NUP50: variants seen among roughly 807,000 people sequenced by gnomAD.
NUP50 encodes the protein nucleoporin 50, also known as nuclear pore complex protein Nup50.
NUP50 carries 14 observed loss-of-function variants against 36.8 expected under a neutral mutation model. The ratio of observed to expected loss-of-function variants is 0.38; its 90% CI spans 0.25 to 0.59. The LOEUF (loss-of-function observed/expected upper bound fraction) is 0.59. Ranked by LOEUF, NUP50 falls within the 20% of genes least tolerant of loss-of-function variation. NUP50 has a pLI of 0.63. For synonymous variants in NUP50, 195 were observed against 210.8 expected (o/e 0.93, Z 0.65); for missense variants, 455 against 564.6 (o/e 0.81, Z 1.97).
intron 2 of NUP50, chr22:45,171,138 C>T (rs2074186557): frequency 1.6e-6 from 2 of 1,230,590 alleles, no homozygotes; most frequent in South Asian, 2.9e-5. Context: ...GCCTTTCGTA[C>T]AGTGGGCAAG....
intron 3 of NUP50, 56 bp downstream of exon 3, chr22:45,171,739 A>AACC: frequency 1.5e-5 from 20 of 1,348,380 alleles, no homozygotes; most frequent in Non-Finnish European, 2.0e-5. Flanking sequence ...TCTGGGTTGC[A>AACC]CAGCAATCCC....
chr22:45,164,060 C>G lies in NUP50; in HGVS notation c.-247C>G, dbSNP rs2074054592. On this transcript the variant is annotated 5_prime_UTR_variant, in exon 1 of 8. Coordinates refer to ENST00000347635, the MANE Select transcript of NUP50 (RefSeq NM_007172.4). Reference sequence around the variant, plus strand: ...GCGCGGTTCCCCCAGCTGTCTCTGGCTGAACCGGCGCTCTCGCCTCCCTGC... The same window carrying G: ...GCGCGGTTCCCCCAGCTGTCTCTGGGTGAACCGGCGCTCTCGCCTCCCTGC... 1.3e-5 allele frequency: 2 copies of G among 152,322 alleles called. No individual in the cohort carries two copies. Among genetic ancestry groups the G allele is most frequent in the Admixed American group, 1.3e-4 (2 of 15,286 alleles). The allele number at this position is 152,322 out of a possible 1,614,324, so 9.4% of individuals were successfully genotyped here.
At chr22:45,171,818 G>T in intron 3 of NUP50, 135 bp downstream of exon 3, 3 of 682,892 alleles carry the variant, frequency 4.4e-6, no homozygotes. Flanking sequence ...GGTCATGGGA[G>T]ATAGAAAAAA....
In NUP50 at chr22:45,186,299, C is replaced by T. The variant is rs1448489488; in HGVS notation, c.*1644C>T. 1 of 152,194 alleles carries T rather than the reference C, an allele frequency of 6.6e-6. No homozygotes were observed. The highest frequency in any genetic ancestry group is 1.5e-5 in the Non-Finnish European group (1 of 68,042). The allele number at this position is 152,194 out of a possible 1,614,324, so 9.4% of individuals were successfully genotyped here. On this transcript the variant is annotated 3_prime_UTR_variant, in exon 8 of 8. Transcript: ENST00000347635. The stretch of plus-strand genomic sequence containing the variant: ...GGAGGAAGTGGCCGTTAGTTTTACA[C>T]TGACTTTTTAAGAATGGAGAATGCA...
intron 2 of NUP50, among the ~76,000 whole-genome samples, chr22:45,169,699 C>CCCGCATAAGGG (rs1383200077): frequency 2.6e-5 from 4 of 152,238 alleles, no homozygotes; most frequent in Admixed American, 2.6e-4. Flanking sequence ...CTCTGTCACG[C>CCCGCATAAGGG]CCGCATAAGG....
rs2074195633 is a variant in NUP50, at chr22:45,171,602, G to T, written c.72G>T (p.Val24=). 1.2e-6 allele frequency: 2 copies of T among 1,613,298 alleles called. No individual in the cohort carries two copies. The highest frequency in any genetic ancestry group is 1.3e-5 in the African/African-American group (1 of 74,876). The change falls in exon 3 of 8, where the codon GTG becomes GTT. Residue 24 remains valine (V), a splice_region_variant and synonymous_variant. Coordinates refer to ENST00000347635, the MANE Select transcript of NUP50 (RefSeq NM_007172.4). ...NWDQEDEAEE[V]GTFSMASEEV... is the part of the protein sequence containing the mutation. Reference sequence around the variant, plus strand: ...GCTTAATTTGTATTGTATTGCAGGTGGGAACATTCTCCATGGCCAGTGAGG... The same window carrying T: ...GCTTAATTTGTATTGTATTGCAGGTTGGAACATTCTCCATGGCCAGTGAGG...
chr22:45,168,022 A>G, intron 1 of NUP50, 146 bp from the exon 2 acceptor site: 2 of 642,440 alleles, frequency 3.1e-6, no homozygotes, highest in South Asian at 3.9e-5. Flanking sequence ...TAAAGTTCTC[A>G]TTAAAGCAGT....
At chr22:45,181,518 C>T in intron 6 of NUP50, 151 bp downstream of exon 6, 1 of 150,006 alleles carries the variant, frequency 6.7e-6, no homozygotes, top group Non-Finnish European at 1.4e-5. Context: ...GAATTCTTGG[C>T]CAGTTTATTT....
rs2074088350 is a variant in NUP50 at position 45,165,985 on chromosome 22, G to A, written c.-11+1689G>A. The A allele has an allele frequency of 3.9e-5, 6 of 152,182 alleles. No individual in the cohort carries two copies. In the South Asian group the frequency reaches 1.2e-3, roughly 32 times the overall value. The allele number at this position is 152,182 out of a possible 1,614,324, so 9.4% of individuals were successfully genotyped here. On this transcript the variant is annotated intron_variant, in intron 1 of 7. Coordinates refer to ENST00000347635, the MANE Select transcript of NUP50 (RefSeq NM_007172.4). ...TTTGAAATACTTTATGCTCACTGGG[G>A]AAATACTTCCCCAGCTCACTGATCT... is the stretch of plus-strand genomic sequence containing the variant.
chr22:45,184,130 C>A (rs908097443), intron 7 of NUP50: 2 of 325,950 alleles, frequency 6.1e-6, no homozygotes, highest in South Asian at 3.7e-5. Flanking sequence ...GTTGTGCCAC[C>A]GTGTTCTTCC....
At chr22:45,168,898 A>ATTTT (rs34675932) in intron 2 of NUP50, among the ~76,000 whole-genome samples, 12 of 132,000 alleles carry the variant, frequency 9.1e-5, no homozygotes, top group East Asian at 6.5e-4. Context: ...TATAAAAAAA[A>ATTTT]TTTTTTTTTT....
rs1249337242 is a variant in NUP50 at position 45,164,056 on chromosome 22, C to T, written c.-251C>T. 1 of 152,318 alleles carries T rather than the reference C, an allele frequency of 6.6e-6. No individual in the cohort carries two copies. Among genetic ancestry groups the T allele is most frequent in the Admixed American group, 6.5e-5 (1 of 15,290 alleles). The allele number at this position is 152,318 out of a possible 1,614,324, so 9.4% of individuals were successfully genotyped here. ...TTCGGCGCGGTTCCCCCAGCTGTCT[C>T]TGGCTGAACCGGCGCTCTCGCCTCC... is the stretch of plus-strand genomic sequence containing the variant. On this transcript the variant is annotated 5_prime_UTR_variant, in exon 1 of 8. Coordinates refer to ENST00000347635, the MANE Select transcript of NUP50 (RefSeq NM_007172.4).
chr22:45,179,163 C>T (rs1265300817), intron 5 of NUP50: 1 of 350,272 alleles, frequency 2.9e-6, no homozygotes, highest in Non-Finnish European at 5.1e-6. Flanking sequence ...CTCAAACACA[C>T]ATGGTTTAGC....
intron 4 of NUP50, among the ~76,000 whole-genome samples, chr22:45,176,547 G>A (rs543893483): frequency 1.2e-4 from 18 of 152,292 alleles, no homozygotes; most frequent in African/African-American, 4.3e-4. Context: ...TTGATTGCCT[G>A]ATCCTGTTTT....
At chr22:45,168,094 G>C (rs958981145) in intron 1 of NUP50, 74 bp from the exon 2 acceptor site, 1 of 1,108,844 alleles carries the variant, frequency 9.0e-7, no homozygotes, top group South Asian at 1.4e-5. Flanking sequence ...CTTCATGCTA[G>C]AGTGAATTTT....
intron 3 of NUP50, among the ~76,000 whole-genome samples, chr22:45,174,183 C>CTTT (rs132886): frequency 1.4e-5 from 2 of 137,938 alleles, no homozygotes; most frequent in East Asian, 4.3e-4. Flanking sequence ...GGTATTTTCC[C>CTTT]TTTTTTTTTT....
At chr22:45,176,444 G>A (rs2074278186) in intron 4 of NUP50, among the ~76,000 whole-genome samples, 1 of 152,174 alleles carries the variant, frequency 6.6e-6, no homozygotes, top group South Asian at 2.1e-4. Flanking sequence ...GGCTTTCTGT[G>A]TGCCTCGCAC....
intron 2 of NUP50, among the ~76,000 whole-genome samples, chr22:45,170,355 G>C (rs561836271): frequency 3.9e-4 from 60 of 152,004 alleles, no homozygotes; most frequent in Non-Finnish European, 7.5e-4. Context: ...GCAAAGCCCA[G>C]TAGGGCTGGA....
chr22:45,169,132 C>T (rs1390928152), intron 2 of NUP50, among the ~76,000 whole-genome samples: 1 of 152,146 alleles, frequency 6.6e-6, no homozygotes, highest in African/African-American at 2.4e-5. Flanking sequence ...AAACTCCTGA[C>T]CTCAAGTGAT....
Sources: allele counts gnomAD v4.1 joint callset (sites outside exome capture counted in the v4.1 genomes callset), GRCh38; gene constraint gnomAD v4.1.1; transcripts MANE v1.5; gene names NCBI Gene and HGNC (gene_info 2026-07-23, HGNC 2026-07-21).